SAXO1: variants seen among roughly 807,000 people sequenced by gnomAD.
SAXO1 encodes 4930500O09Rik.
A neutral mutation model predicts 17.5 loss-of-function variants in SAXO1; 21 were observed. That is an observed-to-expected ratio of 1.20 (90% CI 0.85 to 1.72). The LOEUF is 1.72. SAXO1 is among the 40% of genes most tolerant of loss of function. The probability of loss-of-function intolerance (pLI) is 0.00; values close to 1 mark genes in which losing one functional copy is unlikely to be tolerated. For synonymous variants in SAXO1, 274 were observed against 216.5 expected, an observed-to-expected ratio of 1.27 and a Z score of -2.33; for missense variants, 843 against 596.0, an observed-to-expected ratio of 1.41 and a Z score of -4.32.
chr9:19,015,955 G>A (rs960279325), intron 1 of SAXO1, among the ~76,000 whole-genome samples: 1 of 152,102 alleles, frequency 6.6e-6, no homozygotes, highest in South Asian at 2.1e-4. Context: ...ATGAAGTAGG[G>A]CCCAGAAATT....
chr9:18,961,919 C>T (rs537447183), intron 1 of SAXO1, among the ~76,000 whole-genome samples: 1 of 152,308 alleles, frequency 6.6e-6, no homozygotes, highest in East Asian at 1.9e-4. Context: ...GCCACACTGT[C>T]TTCCACAATG....
intron 1 of SAXO1, among the ~76,000 whole-genome samples, chr9:19,000,609 T>C (rs1053108760): frequency 4.6e-5 from 7 of 152,226 alleles, no homozygotes; most frequent in African/African-American, 1.7e-4. Context: ...GCCCAGCCAC[T>C]GTGCAACCCT....
intron 1 of SAXO1, among the ~76,000 whole-genome samples, chr9:18,991,572 G>T (rs919069624): frequency 6.6e-6 from 1 of 152,058 alleles, no homozygotes; most frequent in Non-Finnish European, 1.5e-5. Context: ...GTCGCGGAGT[G>T]GGGGAAAGGG....
At chr9:18,977,506 G>A (rs1325843480) in intron 1 of SAXO1, among the ~76,000 whole-genome samples, 1 of 152,156 alleles carries the variant, frequency 6.6e-6, no homozygotes, top group African/African-American at 2.4e-5. Context: ...CGTTCGGTGA[G>A]ATATATAGCT....
chr9:18,947,405 A>G (rs761312644), intron 2 of SAXO1, among the ~76,000 whole-genome samples: 4 of 152,074 alleles, frequency 2.6e-5, no homozygotes, highest in Non-Finnish European at 4.4e-5. Flanking sequence ...AGTCGATGCT[A>G]CCAATTCCCT....
chr9:19,003,077 C>T (rs1834344071), intron 1 of SAXO1, among the ~76,000 whole-genome samples: 1 of 152,174 alleles, frequency 6.6e-6, no homozygotes, highest in African/African-American at 2.4e-5. Context: ...GCAAAAATCA[C>T]AAGCATTCCT....
rs548158706 is a variant in SAXO1, at chr9:18,990,435, G to A, written c.39-39498C>T. ...AGAACTAAATTCCTAGCAGGACACC[G>A]TGGCTTATGCCTATAATCCCAGAAC... On this transcript the variant is annotated intron_variant, in intron 1 of 3. Transcript: ENST00000380534. 6.6e-5 allele frequency among the ~76,000 whole-genome samples: 10 copies of A among 152,232 alleles called. 1 individual carries two copies. The South Asian group carries it at 1.0e-3, about 16-fold the overall frequency.
intron 2 of SAXO1, among the ~76,000 whole-genome samples, chr9:18,945,395 T>C (rs1373496187): frequency 1.3e-5 from 2 of 152,266 alleles, no homozygotes; most frequent in African/African-American, 4.8e-5. Context: ...CTTTTCTCCA[T>C]GTCTTCTATG....
chr9:19,001,532 T>A (rs913900389), intron 1 of SAXO1, among the ~76,000 whole-genome samples: 10 of 151,896 alleles, frequency 6.6e-5, no homozygotes, highest in African/African-American at 2.2e-4. Context: ...CCAGGTGTGG[T>A]GGCGGGCACC....
intron 1 of SAXO1, among the ~76,000 whole-genome samples, chr9:19,024,227 G>A (rs796686058): frequency 7.9e-5 from 12 of 151,786 alleles, no homozygotes; most frequent in African/African-American, 2.9e-4. Context: ...GTGTCTCTCT[G>A]ACTGCCCTGC....
chr9:18,983,687 C>T (rs1374163596), intron 1 of SAXO1, among the ~76,000 whole-genome samples: 1 of 152,212 alleles, frequency 6.6e-6, no homozygotes, highest in Admixed American at 6.5e-5. Flanking sequence ...AGCACAACTG[C>T]AGTGACTTCC....
chr9:18,957,843 G>C (rs77043651), intron 1 of SAXO1, among the ~76,000 whole-genome samples: 1,602 of 152,192 alleles, frequency 0.011, 22 homozygotes, highest in African/African-American at 0.036. Flanking sequence ...TTCCTAAAGT[G>C]CATTTGTGTT....
At chr9:19,035,003 A>G (rs896144876), upstream of SAXO1, among the ~76,000 whole-genome samples, 1 of 152,166 alleles carries the variant, frequency 6.6e-6, no homozygotes, top group Admixed American at 6.5e-5. Flanking sequence ...GAGGGTAGAG[A>G]TCTTGAAAGA....
chr9:18,935,725 G>A (rs1451267269), intron 3 of SAXO1, among the ~76,000 whole-genome samples: 1 of 152,240 alleles, frequency 6.6e-6, no homozygotes, highest in South Asian at 2.1e-4. Context: ...TCTGTTGCTT[G>A]CCACAACTAG....
At chr9:18,985,012 G>T (rs1197770021) in intron 1 of SAXO1, among the ~76,000 whole-genome samples, 1 of 151,960 alleles carries the variant, frequency 6.6e-6, no homozygotes, top group Non-Finnish European at 1.5e-5. Context: ...TCAATTATTT[G>T]TACTAATTTC....
intron 1 of SAXO1, among the ~76,000 whole-genome samples, chr9:19,023,960 G>GAC (rs1354730716): frequency 3.7e-5 from 5 of 135,824 alleles, no homozygotes; most frequent in African/African-American, 1.4e-4. Flanking sequence ...GCAACATAGT[G>GAC]ACACCTCATC....
At chr9:18,952,022 T>C (rs932944072) in intron 1 of SAXO1, among the ~76,000 whole-genome samples, 1 of 152,262 alleles carries the variant, frequency 6.6e-6, no homozygotes, top group Non-Finnish European at 1.5e-5. Flanking sequence ...TTAAAATTTA[T>C]AGTGAGCTTT....
chr9:18,981,664 T>C (rs1833389706), intron 1 of SAXO1, among the ~76,000 whole-genome samples: 1 of 152,174 alleles, frequency 6.6e-6, no homozygotes. Flanking sequence ...GGGTGATAAC[T>C]CCTGAGGGCC....
At chr9:19,015,624 T>C (rs544322317) in intron 1 of SAXO1, among the ~76,000 whole-genome samples, 50 of 149,788 alleles carry the variant, frequency 3.3e-4, no homozygotes, top group African/African-American at 1.2e-3. Flanking sequence ...ATTACAGGCA[T>C]GAGCCATCAC....
Sources: allele counts gnomAD v4.1 joint callset (sites outside exome capture counted in the v4.1 genomes callset), GRCh38; gene constraint gnomAD v4.1.1; transcripts MANE v1.5; gene names NCBI Gene and HGNC (gene_info 2026-07-23, HGNC 2026-07-21).